NAV2: variants seen among roughly 807,000 people sequenced by gnomAD.
The protein encoded by NAV2 is neuron navigator 2.
A neutral mutation model predicts 223.2 loss-of-function variants in NAV2; 54 were observed. The ratio of observed to expected loss-of-function variants is 0.24; its 90% confidence interval spans 0.19 to 0.30. The LOEUF (loss-of-function observed/expected upper bound fraction) is 0.30. NAV2 is among the 10% of genes least tolerant of loss of function. NAV2 has a pLI of 1.00. For synonymous variants in NAV2, 1,279 were observed against 1,239.3 expected, an observed-to-expected ratio of 1.03 and a Z score of -0.67; for missense variants, 2,806 against 3,147.5, an observed-to-expected ratio of 0.89 and a Z score of 2.60.
intron 1 of NAV2, among the ~76,000 whole-genome samples, chr11:19,583,621 A>C (rs1156973627): frequency 6.6e-6 from 1 of 152,234 alleles, no homozygotes; most frequent in Non-Finnish European, 1.5e-5. Flanking sequence ...CCTTTTCTGC[A>C]TCTATTGAGA....
At chr11:19,836,077 G>A (rs998587239) in intron 2 of NAV2, among the ~76,000 whole-genome samples, 2 of 152,156 alleles carry the variant, frequency 1.3e-5, no homozygotes, top group African/African-American at 4.8e-5. Context: ...AAGTTGAGAG[G>A]ATTAGGGATA....
chr11:19,627,799 G>A (rs1053173613), intron 1 of NAV2, among the ~76,000 whole-genome samples: 9 of 151,728 alleles, frequency 5.9e-5, no homozygotes, highest in Admixed American at 2.6e-4. Context: ...CGCCTGCAAA[G>A]TGAGAATATT....
chr11:20,075,880 C>G (rs1020366778), intron 22 of NAV2, among the ~76,000 whole-genome samples: 1 of 151,664 alleles, frequency 6.6e-6, no homozygotes, highest in African/African-American at 2.4e-5. Flanking sequence ...CTCCCAAGCT[C>G]CTCCCATATA....
chr11:19,618,756 G>A (rs2046891919), intron 1 of NAV2, among the ~76,000 whole-genome samples: 1 of 151,928 alleles, frequency 6.6e-6, no homozygotes, highest in Non-Finnish European at 1.5e-5. Context: ...GTGCTTCTAA[G>A]AACCATAGGA....
intron 1 of NAV2, among the ~76,000 whole-genome samples, chr11:19,595,093 G>C (rs1479944275): frequency 6.6e-6 from 1 of 152,098 alleles, no homozygotes; most frequent in East Asian, 1.9e-4. Context: ...GGTGGGCAAT[G>C]GGGGCTCAGT....
At chr11:19,887,788 G>A (rs543166540) in intron 5 of NAV2, among the ~76,000 whole-genome samples, 63 of 152,000 alleles carry the variant, frequency 4.1e-4, no homozygotes, top group Non-Finnish European at 7.4e-4. Context: ...AGATGCCATG[G>A]AAATGAGAGA....
At chr11:19,990,867 ACT>A (rs2051262391) in intron 11 of NAV2, among the ~76,000 whole-genome samples, 2 of 152,054 alleles carry the variant, frequency 1.3e-5, no homozygotes, top group Non-Finnish European at 1.5e-5. Context: ...ACTGTAGAAA[ACT>A]CTTTTGGACA....
intron 1 of NAV2, among the ~76,000 whole-genome samples, chr11:19,394,229 G>A (rs1304695722): frequency 2.0e-5 from 3 of 152,062 alleles, no homozygotes; most frequent in Non-Finnish European, 2.9e-5. Context: ...TACTGTTTAG[G>A]GATAACTTTG....
At chr11:19,697,788 A>T (rs1007645137) in intron 1 of NAV2, among the ~76,000 whole-genome samples, 2 of 152,224 alleles carry the variant, frequency 1.3e-5, no homozygotes, top group African/African-American at 4.8e-5. Context: ...AGAGCAGGGA[A>T]GGTGCAGATG....
At chr11:19,491,025 AT>A (rs2042608670) in intron 1 of NAV2, among the ~76,000 whole-genome samples, 2 of 152,038 alleles carry the variant, frequency 1.3e-5, no homozygotes, top group African/African-American at 4.8e-5. Flanking sequence ...CGAAAAGAAT[AT>A]TTTTTTCTGA....
intron 1 of NAV2, among the ~76,000 whole-genome samples, chr11:19,812,388 T>C (rs1193209600): frequency 1.3e-5 from 2 of 152,088 alleles, no homozygotes; most frequent in Non-Finnish European, 2.9e-5. Context: ...CTAATGCATC[T>C]TCATAGCATT....
At position 19,998,151 on chromosome 11, in the gene NAV2, A is replaced by G. The variant is rs2052112818; in HGVS notation, c.2768+13904A>G. 6.6e-6 allele frequency among the ~76,000 whole-genome samples: 1 copy of G among 152,172 alleles called. No homozygotes were observed. Among genetic ancestry groups the G allele is most frequent in the African/African-American group, 2.4e-5 (1 of 41,434 alleles). ...AGGTAATTAATATTATCCTAAGATA[A>G]TTGATAAGACTGACTGAAGAGTTTT... On this transcript the variant is annotated intron_variant, in intron 11 of 37. Transcript: ENST00000349880. This position sits in a 1 kb window ranked among gnomAD's most constrained non-coding sequence, Gnocchi z 5.0.
intron 1 of NAV2, among the ~76,000 whole-genome samples, chr11:19,512,201 T>A (rs984964743): frequency 6.6e-6 from 1 of 151,524 alleles, no homozygotes; most frequent in Non-Finnish European, 1.5e-5. Flanking sequence ...GAGGGGAGGG[T>A]CTGATCAACT....
intron 1 of NAV2, among the ~76,000 whole-genome samples, chr11:19,827,941 C>T (rs947580604): frequency 2.8e-5 from 4 of 140,892 alleles, no homozygotes; most frequent in East Asian, 2.5e-4. Flanking sequence ...GGTAGTAGAG[C>T]GGAATCCCGT....
intron 1 of NAV2, among the ~76,000 whole-genome samples, chr11:19,416,103 G>A (rs1487820951): frequency 6.6e-6 from 1 of 152,076 alleles, no homozygotes; most frequent in Non-Finnish European, 1.5e-5. Context: ...AGGGTAATCA[G>A]GCAAGAGAAA....
intron 1 of NAV2, among the ~76,000 whole-genome samples, chr11:19,636,660 C>T (rs765929361): frequency 3.3e-5 from 5 of 152,196 alleles, no homozygotes; most frequent in Non-Finnish European, 5.9e-5. Flanking sequence ...TTAGTAGAGA[C>T]GGGGTTTCAC....
chr11:19,942,495 C>T (rs913017791), intron 8 of NAV2, among the ~76,000 whole-genome samples: 2 of 152,226 alleles, frequency 1.3e-5, no homozygotes, highest in African/African-American at 2.4e-5. Flanking sequence ...GGATAAGTGA[C>T]TTGTCCAGGG....
At chr11:19,708,748 C>A (rs767516407), upstream of NAV2, among the ~76,000 whole-genome samples, 17 of 152,162 alleles carry the variant, frequency 1.1e-4, no homozygotes, top group South Asian at 1.7e-3. Context: ...GACCTGAGAG[C>A]TTTGATAATA....
At chr11:19,596,725 G>C (rs2046215520) in intron 1 of NAV2, among the ~76,000 whole-genome samples, 1 of 152,202 alleles carries the variant, frequency 6.6e-6, no homozygotes, top group African/African-American at 2.4e-5. Flanking sequence ...CAAAACCTCT[G>C]CCATGCTCAG....
Sources: gnomAD v4.1 joint callset for allele counts (sites outside exome capture counted in the v4.1 genomes callset) on GRCh38, gnomAD v4.1.1 for gene constraint, Gnocchi (gnomAD v3.1) non-coding constraint, MANE v1.5 for transcripts, NCBI Gene and HGNC (gene_info 2026-07-23, HGNC 2026-07-21) for gene names.